The following GRM1 variants were observed in gnomAD, a reference collection of about 807,000 sequenced individuals.
The protein encoded by GRM1 is glutamate metabotropic receptor 1, also known as metabotropic glutamate receptor 1.
Under a neutral mutation model 90.9 loss-of-function variants are expected in GRM1, and 33 were observed. The ratio of observed to expected loss-of-function variants is 0.36; its 90% CI spans 0.28 to 0.49. The LOEUF (loss-of-function observed/expected upper bound fraction) is 0.49, where lower values mean the gene tolerates loss of function less well. Ranked by LOEUF, GRM1 falls within the 20% of genes least tolerant of loss-of-function variation. The pLI is 0.99. For missense variants in GRM1, 1,190 were observed against 1,534.3 expected (o/e 0.78, Z 3.75); for synonymous variants, 700 against 613.2 (o/e 1.14, Z -2.09).
chr6:146,265,545 G>T (rs936453390), intron 2 of GRM1, among the ~76,000 whole-genome samples: 1 of 152,094 alleles, frequency 6.6e-6, no homozygotes, highest in Non-Finnish European at 1.5e-5. Context: ...AGTCTCATTT[G>T]TCTATTTTTG....
At chr6:146,207,031 A>G (rs1562529029) in intron 2 of GRM1, among the ~76,000 whole-genome samples, 1 of 152,034 alleles carries the variant, frequency 6.6e-6, no homozygotes, top group Non-Finnish European at 1.5e-5. Flanking sequence ...TAGGTACCAC[A>G]TTTTCTTTAT....
At chr6:146,241,122 A>G (rs1034760137) in intron 2 of GRM1, among the ~76,000 whole-genome samples, 2 of 152,114 alleles carry the variant, frequency 1.3e-5, no homozygotes, top group African/African-American at 4.8e-5. Flanking sequence ...TTATCCATCT[A>G]AGAAATGAGA....
chr6:146,409,833 A>C lies in GRM1; in HGVS notation c.2660+10134A>C, dbSNP rs116600827. On this transcript the variant is annotated intron_variant, in intron 7 of 7. Coordinates refer to ENST00000282753, the MANE Select transcript of GRM1 (RefSeq NM_001278064.2). ...AGCCTCTATGCAAATTATCTGTAAG[A>C]TATATGAGGAATTGGCTGCTAACAA... 7.1e-3 allele frequency among the ~76,000 whole-genome samples: 1,077 copies of C among 152,306 alleles called. 13 individuals are homozygous for C. The highest frequency in any genetic ancestry group is 0.025 in the African/African-American group (1,030 of 41,574).
intron 2 of GRM1, among the ~76,000 whole-genome samples, chr6:146,244,691 C>T (rs1045075430): frequency 2.0e-5 from 3 of 152,124 alleles, no homozygotes; most frequent in Admixed American, 6.6e-5. Flanking sequence ...GCTAGTTAAC[C>T]GTGTGTAATA....
intron 3 of GRM1, among the ~76,000 whole-genome samples, chr6:146,330,156 A>G (rs1356853057): frequency 6.6e-6 from 1 of 152,180 alleles, no homozygotes; most frequent in African/African-American, 2.4e-5. Flanking sequence ...TGACTGAACA[A>G]CTCAAAGAAC....
chr6:146,434,478 G>A lies in GRM1; in HGVS notation c.3267G>A (p.Leu1089=). 1 of 1,614,032 alleles carries A rather than the reference G, an allele frequency of 6.2e-7. No individual in the cohort carries two copies. The highest frequency in any genetic ancestry group is 1.1e-5 in the South Asian group (1 of 91,084). ...PLQLSTFGEE[L]VSPPADDDDD... ...AGCTGAGCACCTTTGGGGAGGAGCT[G>A]GTCTCCCCGCCCGCGGACGACGACG... is the stretch of plus-strand genomic sequence containing the variant. The change falls in exon 8 of 8, where the codon CTG becomes CTA. Residue 1089 remains leucine, a synonymous_variant. Transcript: ENST00000282753.
At position 146,327,744 on chromosome 6, in the gene GRM1, C is replaced by T. The variant is rs149695839; in HGVS notation, c.1186+22898C>T. ...CCTACAGGGCTCTTCTCCAGGCTTC[C>T]GGAAAAGACTGTCCAACTCAGTCAT... On this transcript the variant is annotated intron_variant, in intron 3 of 7. Transcript: ENST00000282753. Among the ~76,000 whole-genome samples the T allele has an allele frequency of 5.1e-4, 77 of 152,218 alleles. No homozygotes were observed. The East Asian group carries it at 0.013, about 26-fold the overall frequency.
chr6:146,131,133 G>A (rs900672173), intron 1 of GRM1, among the ~76,000 whole-genome samples: 2 of 152,100 alleles, frequency 1.3e-5, no homozygotes, highest in African/African-American at 4.8e-5. Context: ...ACTTCTCTAG[G>A]TGCTGATTTA....
chr6:146,182,654 A>G (rs183550298), intron 2 of GRM1, among the ~76,000 whole-genome samples: 49 of 152,304 alleles, frequency 3.2e-4, no homozygotes, highest in African/African-American at 1.1e-3. Flanking sequence ...TAGGTTGGAT[A>G]AATGGAGTGC....
intron 1 of GRM1, among the ~76,000 whole-genome samples, chr6:146,124,805 C>T (rs1348607499): frequency 6.6e-6 from 1 of 152,096 alleles, no homozygotes; most frequent in Non-Finnish European, 1.5e-5. Flanking sequence ...CTGTGGTTAT[C>T]TAAAACTTCA....
intron 2 of GRM1, among the ~76,000 whole-genome samples, chr6:146,202,674 A>T (rs549870494): frequency 2.0e-5 from 3 of 152,226 alleles, no homozygotes; most frequent in African/African-American, 7.2e-5. Context: ...AGGGGTCCTG[A>T]ATTATCTTCT....
At chr6:146,256,368 A>C (rs1375563405) in intron 2 of GRM1, among the ~76,000 whole-genome samples, 1 of 152,136 alleles carries the variant, frequency 6.6e-6, no homozygotes, top group East Asian at 1.9e-4. Context: ...TTTCAAATTC[A>C]TGAAGAGTGA....
At position 146,305,612 on chromosome 6, in the gene GRM1, AG is replaced by A. The variant is rs534606598; in HGVS notation, c.1186+767del. Among the ~76,000 whole-genome samples the A allele has an allele frequency of 1.7e-3, 258 of 152,304 alleles. 1 individual carries two copies. Among genetic ancestry groups the A allele is most frequent in the African/African-American group, 5.9e-3 (246 of 41,572 alleles). ...TATGTCCTTTCATAATGCCATTCAA[AG>A]CCAGTTGTTCTTACTGGGTCGATAG... On this transcript the variant is annotated intron_variant, in intron 3 of 7. Transcript: ENST00000282753.
intron 2 of GRM1, among the ~76,000 whole-genome samples, chr6:146,172,971 G>A (rs1376378389): frequency 6.6e-6 from 1 of 152,138 alleles, no homozygotes; most frequent in Non-Finnish European, 1.5e-5. Flanking sequence ...AAAGAGAGGC[G>A]ACATTTCTTC....
chr6:146,278,229 A>T (rs1782442411), intron 2 of GRM1, among the ~76,000 whole-genome samples: 1 of 152,148 alleles, frequency 6.6e-6, no homozygotes, highest in Non-Finnish European at 1.5e-5. Context: ...TATTATCTTT[A>T]GTTTTTAATT....
At chr6:146,140,039 TCTTTCCTCTCTTCTC>T (rs1370884576) in intron 1 of GRM1, among the ~76,000 whole-genome samples, 1 of 141,834 alleles carries the variant, frequency 7.1e-6, no homozygotes, top group Admixed American at 7.0e-5. Context: ...CCCCTTTGCT[TCTTTCCTCTCTTCTC>T]CTTTCCTCTC....
intron 2 of GRM1, among the ~76,000 whole-genome samples, chr6:146,193,752 T>C (rs1037944144): frequency 1.3e-5 from 2 of 152,204 alleles, no homozygotes; most frequent in Admixed American, 6.5e-5. Context: ...GTTGTTGCTT[T>C]TTACTTGCGC....
At chr6:146,417,761 A>G (rs56892947) in intron 7 of GRM1, among the ~76,000 whole-genome samples, 1,960 of 152,228 alleles carry the variant, frequency 0.013, 48 homozygotes, top group African/African-American at 0.045. Flanking sequence ...CTCTTACTAA[A>G]TAATTATTTC....
chr6:146,206,538 T>C (rs1779499458), intron 2 of GRM1, among the ~76,000 whole-genome samples: 1 of 152,164 alleles, frequency 6.6e-6, no homozygotes, highest in South Asian at 2.1e-4. Context: ...TTGTATTCTC[T>C]GTCTCTCTGT....
Sources: gnomAD v4.1 joint callset for allele counts (sites outside exome capture counted in the v4.1 genomes callset) on GRCh38, gnomAD v4.1.1 for gene constraint, MANE v1.5 for transcripts, NCBI Gene and HGNC (gene_info 2026-07-23, HGNC 2026-07-21) for gene names.